Variants in SLC25A24 observed in about 807,000 individuals in gnomAD.
SLC25A24 encodes the protein mitochondrial adenyl nucleotide antiporter SLC25A24.
SLC25A24 carries 49 observed loss-of-function variants against 60.7 expected under a neutral mutation model. The observed-to-expected ratio is 0.81, with a 90% CI of 0.64 to 1.02. SLC25A24 has a LOEUF of 1.02. SLC25A24 is among the 50% of genes least tolerant of loss of function. The pLI, the probability that SLC25A24 is intolerant of heterozygous loss-of-function variation, is 0.00. For missense variants in SLC25A24, 564 were observed against 586.3 expected (o/e 0.96, Z 0.39); for synonymous variants, 202 against 200.6 (o/e 1.01, Z -0.06).
chr1:108,152,868 C>A (rs1285785715), intron 6 of SLC25A24, among the ~76,000 whole-genome samples: 1 of 152,198 alleles, frequency 6.6e-6, no homozygotes, highest in Non-Finnish European at 1.5e-5. Flanking sequence ...GAAACTAGAA[C>A]AGAAGGCTTC....
intron 9 of SLC25A24, 25 bp downstream of exon 9, chr1:108,139,033 T>C: frequency 1.3e-6 from 2 of 1,544,596 alleles, no homozygotes; most frequent in Non-Finnish European, 1.7e-6. Flanking sequence ...CTTTTATCGG[T>C]GTGGTTCTGT....
At chr1:108,153,525 T>C (rs184989290) in intron 6 of SLC25A24, among the ~76,000 whole-genome samples, 15 of 152,290 alleles carry the variant, frequency 9.8e-5, no homozygotes, top group Non-Finnish European at 2.1e-4. Context: ...CTGGCTTTGA[T>C]TGAGATGCTT....
rs746991156 is a variant in SLC25A24 at position 108,192,919 on chromosome 1, A to C, written c.184-6965T>G. ...GTTCCTGCCTCACTCACGTCTGATC[A>C]GAAGCCCCGGCTCCCACTCCAGGAA... On this transcript the variant is annotated intron_variant, in intron 1 of 9. Transcript: ENST00000565488. 6 of 397,280 alleles carry C rather than the reference A, an allele frequency of 1.5e-5. 1 individual carries two copies. The highest frequency in any genetic ancestry group is 4.0e-5 in the African/African-American group (2 of 49,506). 24.6% of individuals were successfully genotyped at this position (397,280 alleles called of 1,614,324 possible). A position where few individuals can be genotyped will look rare whatever the true frequency, so the allele number is the denominator to read the frequency against.
intron 3 of SLC25A24, among the ~76,000 whole-genome samples, chr1:108,169,754 A>G (rs749180224): frequency 3.2e-4 from 49 of 152,188 alleles, no homozygotes; most frequent in Non-Finnish European, 7.4e-5. Context: ...TTGCTTAGGT[A>G]CTATAAGCTG....
Position 108,191,144 on chromosome 1 carries a change from T to G in SLC25A24, c.184-5190A>C, listed in dbSNP as rs1173208243. 1.4e-5 allele frequency among the ~76,000 whole-genome samples: 2 copies of G among 139,352 alleles called. 1 individual carries two copies. The highest frequency in any genetic ancestry group is 3.1e-5 in the Non-Finnish European group (2 of 63,654). The allele number at this position is 139,352 out of a possible 152,430, so 91.4% of individuals were successfully genotyped here. On this transcript the variant is annotated intron_variant, in intron 1 of 9. Coordinates refer to ENST00000565488, the MANE Select transcript of SLC25A24 (RefSeq NM_013386.5). ...AAATATGAAGAACACTTAACTTTTT[T>G]TTTTTCTTTTTGAGATGGAGTCTCA...
At chr1:108,157,708 T>C (rs1448543152) in intron 4 of SLC25A24, 88 bp from the exon 5 acceptor site, 3 of 1,409,704 alleles carry the variant, frequency 2.1e-6, no homozygotes, top group Non-Finnish European at 2.9e-6. Flanking sequence ...CATGTTATTT[T>C]ACAGTTAATA....
At chr1:108,186,733 T>C (rs1272738437) in intron 1 of SLC25A24, among the ~76,000 whole-genome samples, 1 of 152,092 alleles carries the variant, frequency 6.6e-6, no homozygotes, top group African/African-American at 2.4e-5. Flanking sequence ...AGTCACCCAC[T>C]CAAAGCTTAC....
chr1:108,143,738 T>C, intron 7 of SLC25A24, 28 bp from the exon 8 acceptor site: 1 of 1,553,776 alleles, frequency 6.4e-7, no homozygotes, highest in Non-Finnish European at 8.8e-7. Context: ...CAAAATATGA[T>C]TGTTCATATT....
chr1:108,187,927 G>GATAGAT lies in SLC25A24; in HGVS notation c.184-1974_184-1973insATCTAT. On this transcript the variant is annotated intron_variant, in intron 1 of 9. Coordinates refer to ENST00000565488, the MANE Select transcript of SLC25A24 (RefSeq NM_013386.5). ...TACACGAAATGGATAAGACATTATA[G>GATAGAT]ATATATATATATATATATTCATGCA... 1.8e-4 allele frequency among the ~76,000 whole-genome samples: 17 copies of GATAGAT among 95,772 alleles called. 3 individuals carry two copies. The highest frequency in any genetic ancestry group is 1.1e-3 in the East Asian group (3 of 2,734). The allele number at this position is 95,772 out of a possible 152,430, so 62.8% of individuals were successfully genotyped here.
In SLC25A24 at chr1:108,136,817, G is replaced by T; in HGVS notation, c.1270C>A (p.Gln424Lys). ...QAQAMLEGSP[Q>K]LNMVGLFRRI... ...CGAAAGAGGCCAACCATATTCAGCT[G>T]TGGGGAACCTTCTAACATGGCTAAA... is the stretch of plus-strand genomic sequence containing the variant. Residue 424 changes from glutamine (Q) to lysine (K), a missense_variant, in exon 10 of 10, where the codon CAG (glutamine) becomes AAG (lysine). Transcript: ENST00000565488. 1 of 1,613,978 alleles carries T rather than the reference G, an allele frequency of 6.2e-7. No individual in the cohort carries two copies. Among genetic ancestry groups the T allele is most frequent in the Non-Finnish European group, 8.5e-7 (1 of 1,179,946 alleles).
At chr1:108,138,466 A>T (rs1679349839) in intron 9 of SLC25A24, among the ~76,000 whole-genome samples, 1 of 152,206 alleles carries the variant, frequency 6.6e-6, no homozygotes, top group Non-Finnish European at 1.5e-5. Context: ...TAGCAATAAA[A>T]GCCAGCAAAT....
chr1:108,147,282 G>T (rs192510172), intron 7 of SLC25A24, among the ~76,000 whole-genome samples: 1 of 152,178 alleles, frequency 6.6e-6, no homozygotes, highest in Admixed American at 6.5e-5. Flanking sequence ...ATTTTTTATT[G>T]TGTCTATTTG....
intron 1 of SLC25A24, among the ~76,000 whole-genome samples, chr1:108,193,961 C>G (rs192492888): frequency 7.2e-6 from 1 of 139,526 alleles, no homozygotes; most frequent in African/African-American, 2.5e-5. Flanking sequence ...CCTCATCCTG[C>G]ACCACTGGGA....
chr1:108,163,518 G>A (rs1680150942), intron 3 of SLC25A24, among the ~76,000 whole-genome samples: 3 of 151,746 alleles, frequency 2.0e-5, no homozygotes, highest in Non-Finnish European at 4.4e-5. Context: ...CACATCCCTT[G>A]TAAGTTGGAT....
chr1:108,198,411 G>A (rs761814245), intron 1 of SLC25A24: 1 of 152,180 alleles, frequency 6.6e-6, no homozygotes, highest in Non-Finnish European at 1.5e-5. Context: ...GTTACCTTCA[G>A]ACTCAGCAAT....
chr1:108,187,233 A>G (rs1397564301), intron 1 of SLC25A24, among the ~76,000 whole-genome samples: 1 of 152,178 alleles, frequency 6.6e-6, no homozygotes, highest in Non-Finnish European at 1.5e-5. Flanking sequence ...TTTAAAATGC[A>G]TAATTAGAAA....
intron 6 of SLC25A24, 70 bp downstream of exon 6, chr1:108,154,913 A>T: frequency 8.5e-7 from 1 of 1,180,832 alleles, no homozygotes; most frequent in Non-Finnish European, 1.2e-6. Flanking sequence ...AAAGCATTAT[A>T]CATTAACATT....
intron 1 of SLC25A24, among the ~76,000 whole-genome samples, chr1:108,194,774 T>C (rs1457601675): frequency 1.3e-5 from 2 of 152,206 alleles, no homozygotes; most frequent in South Asian, 2.1e-4. Context: ...TTAAACAATG[T>C]CTGGCACTGT....
intron 3 of SLC25A24, among the ~76,000 whole-genome samples, chr1:108,165,893 G>A (rs913282933): frequency 5.9e-5 from 9 of 152,182 alleles, no homozygotes; most frequent in East Asian, 1.9e-4. Context: ...TAGTCTCGAC[G>A]GTCTTTACAT....
Sources: gnomAD v4.1 joint callset for allele counts (sites outside exome capture counted in the v4.1 genomes callset) on GRCh38, gnomAD v4.1.1 for gene constraint, MANE v1.5 for transcripts, NCBI Gene and HGNC (gene_info 2026-07-23, HGNC 2026-07-21) for gene names.